ANO3: variants seen among roughly 807,000 people sequenced by gnomAD.
The protein encoded by ANO3 is anoctamin 3, also known as anoctamin-3.
A neutral mutation model predicts 144.8 loss-of-function variants in ANO3; 99 were observed. The ratio of observed to expected loss-of-function variants is 0.68; its 90% CI spans 0.58 to 0.81. The LOEUF is 0.81. Among genes scored for constraint, ANO3 ranks in the 30% least tolerant of loss-of-function variants. The pLI is 0.00. For missense variants in ANO3, 905 were observed against 1,202.2 expected (o/e 0.75, Z 3.66); for synonymous variants, 414 against 392.6 (o/e 1.05, Z -0.64).
intron 1 of ANO3, among the ~76,000 whole-genome samples, chr11:26,213,550 C>G (rs1590196774): frequency 6.6e-6 from 1 of 152,134 alleles, no homozygotes; most frequent in African/African-American, 2.4e-5. Flanking sequence ...GAATAAAGTA[C>G]TTAGAAATAC....
Position 26,458,475 on chromosome 11 carries a change from A to G in ANO3, c.314-4555A>G, listed in dbSNP as rs147919982. 5.2e-4 allele frequency among the ~76,000 whole-genome samples: 79 copies of G among 152,268 alleles called. No homozygotes were observed. In the East Asian group the frequency reaches 0.014, roughly 28 times the overall value. ...GTAACACAATTTACATTTCCTTCAT[A>G]CTATAGTTTTTCACTGTTTGTCCTT... On this transcript the variant is annotated intron_variant, in intron 3 of 26. Transcript: ENST00000256737.
chr11:26,281,094 C>T (rs1215151046), intron 1 of ANO3, among the ~76,000 whole-genome samples: 1 of 152,134 alleles, frequency 6.6e-6, no homozygotes, highest in Non-Finnish European at 1.5e-5. Flanking sequence ...TATAGTGTCT[C>T]ACTTAATTCT....
chr11:26,482,937 T>C (rs1860282522), intron 4 of ANO3, among the ~76,000 whole-genome samples: 1 of 152,208 alleles, frequency 6.6e-6, no homozygotes. Context: ...CACTCCTTTT[T>C]ATGGCTGAAT....
In ANO3 at chr11:26,460,104, G is replaced by A. The variant is rs775913566; in HGVS notation, c.314-2926G>A. On this transcript the variant is annotated intron_variant, in intron 3 of 26. Coordinates refer to ENST00000256737, the MANE Select transcript of ANO3 (RefSeq NM_031418.4). Reference sequence around the variant, plus strand: ...CCTGGACCAAACAAACCATATCCAAGTCATAGCAATATCTTTGCATATCAT... The same window carrying A: ...CCTGGACCAAACAAACCATATCCAAATCATAGCAATATCTTTGCATATCAT... 5.1e-5 allele frequency: 23 copies of A among 454,210 alleles called. 1 individual carries two copies. The highest frequency in any genetic ancestry group is 1.9e-4 in the South Asian group (12 of 64,282). The allele number at this position is 454,210 out of a possible 1,614,324, so 28.1% of individuals were successfully genotyped here.
intron 1 of ANO3, among the ~76,000 whole-genome samples, chr11:26,221,525 C>T (rs910854021): frequency 1.3e-5 from 2 of 152,332 alleles, no homozygotes; most frequent in East Asian, 3.9e-4. Context: ...TTGATGGAAT[C>T]TCACAGGTTC....
chr11:26,318,068 T>G (rs112347627), intron 1 of ANO3, among the ~76,000 whole-genome samples: 1 of 151,096 alleles, frequency 6.6e-6, no homozygotes, highest in Non-Finnish European at 1.5e-5. Context: ...TGAGAACACA[T>G]GGACACAGGG....
At chr11:26,409,201 C>T (rs867969723) in intron 1 of ANO3, among the ~76,000 whole-genome samples, 1 of 151,716 alleles carries the variant, frequency 6.6e-6, no homozygotes, top group Non-Finnish European at 1.5e-5. Context: ...CTCCCAAACC[C>T]ACCCCAAGAA....
At chr11:26,581,880 A>G (rs1194594060) in intron 14 of ANO3, among the ~76,000 whole-genome samples, 1 of 152,180 alleles carries the variant, frequency 6.6e-6, no homozygotes, top group Non-Finnish European at 1.5e-5. Flanking sequence ...ATCTTCATGC[A>G]GGGGAAACCA....
chr11:26,333,690 C>T (rs1165265495), intron 1 of ANO3, among the ~76,000 whole-genome samples: 2 of 152,178 alleles, frequency 1.3e-5, no homozygotes, highest in African/African-American at 2.4e-5. Flanking sequence ...TTTCCAGTTC[C>T]ATAATTCTGT....
chr11:26,612,483 T>G (rs996852008), intron 17 of ANO3, among the ~76,000 whole-genome samples: 2 of 150,860 alleles, frequency 1.3e-5, no homozygotes. Flanking sequence ...TGTTGTTGTT[T>G]TTTATTATTT....
chr11:26,237,766 A>C (rs576196617), intron 1 of ANO3, among the ~76,000 whole-genome samples: 1 of 152,206 alleles, frequency 6.6e-6, no homozygotes, highest in South Asian at 2.1e-4. Flanking sequence ...TATATGCCAA[A>C]TTGTATGTAT....
chr11:26,214,233 C>G (rs1293583814), intron 1 of ANO3, among the ~76,000 whole-genome samples: 2 of 151,730 alleles, frequency 1.3e-5, no homozygotes, highest in Non-Finnish European at 2.9e-5. Context: ...TACATATGTA[C>G]TGATGAATAT....
intron 13 of ANO3, among the ~76,000 whole-genome samples, chr11:26,558,277 G>A (rs1013340697): frequency 6.6e-6 from 1 of 152,096 alleles, no homozygotes; most frequent in Non-Finnish European, 1.5e-5. Flanking sequence ...GCGGGGAAGG[G>A]CCATTATTTC....
At chr11:26,570,660 G>A (rs1850787778) in intron 14 of ANO3, among the ~76,000 whole-genome samples, 1 of 152,104 alleles carries the variant, frequency 6.6e-6, no homozygotes, top group Non-Finnish European at 1.5e-5. Flanking sequence ...TCTCCAAGTT[G>A]TGTTTGATCA....
At chr11:26,440,398 G>T (rs967276918) in intron 1 of ANO3, among the ~76,000 whole-genome samples, 1 of 152,054 alleles carries the variant, frequency 6.6e-6, no homozygotes, top group South Asian at 2.1e-4. Context: ...ATGACAGGGG[G>T]TGTTTAGGAA....
intron 1 of ANO3, among the ~76,000 whole-genome samples, chr11:26,434,173 A>G (rs1042735203): frequency 2.0e-5 from 3 of 151,874 alleles, no homozygotes; most frequent in African/African-American, 7.3e-5. Flanking sequence ...GTCCCCTCTT[A>G]TTCATCTCTT....
At chr11:26,326,701 T>C (rs868211809) in intron 1 of ANO3, among the ~76,000 whole-genome samples, 20 of 152,272 alleles carry the variant, frequency 1.3e-4, no homozygotes, top group Middle Eastern at 3.4e-3. Context: ...TACCTCCATT[T>C]CCATCTTTCT....
intron 1 of ANO3, among the ~76,000 whole-genome samples, chr11:26,428,367 A>G (rs1178808901): frequency 6.6e-6 from 1 of 152,208 alleles, no homozygotes; most frequent in Non-Finnish European, 1.5e-5. Flanking sequence ...TAATAAAACT[A>G]TTAAACTCTA....
intron 1 of ANO3, among the ~76,000 whole-genome samples, chr11:26,362,010 A>C (rs1452122520): frequency 6.6e-6 from 1 of 152,268 alleles, no homozygotes; most frequent in East Asian, 1.9e-4. Context: ...TACTCCCTCC[A>C]TTTCCCATTT....
Sources: allele counts gnomAD v4.1 joint callset (sites outside exome capture counted in the v4.1 genomes callset), GRCh38; gene constraint gnomAD v4.1.1; transcripts MANE v1.5; gene names NCBI Gene and HGNC (gene_info 2026-07-23, HGNC 2026-07-21).